MTF2: variants seen among roughly 807,000 people sequenced by gnomAD.
The protein encoded by MTF2 is metal response element binding transcription factor 2.
Under a neutral mutation model 79.5 loss-of-function variants are expected in MTF2, and 11 were observed. That is an observed-to-expected ratio of 0.14 (90% confidence interval 0.09 to 0.23). The LOEUF (loss-of-function observed/expected upper bound fraction) is 0.23, where lower values mean the gene tolerates loss of function less well. Among genes scored for constraint, MTF2 ranks in the 10% least tolerant of loss-of-function variants. MTF2 has a pLI of 1.00. For synonymous variants in MTF2, 208 were observed against 232.8 expected, an observed-to-expected ratio of 0.89 and a Z score of 0.97; for missense variants, 486 against 711.2, an observed-to-expected ratio of 0.68 and a Z score of 3.60.
At position 93,079,368 on chromosome 1, in the gene MTF2, A is replaced by G; in HGVS notation, c.-159A>G. The G allele has an allele frequency of 3.6e-6, 3 of 830,780 alleles. No homozygotes were observed. Among genetic ancestry groups the G allele is most frequent in the South Asian group, 1.5e-5 (1 of 67,324 alleles). The allele number at this position is 830,780 out of a possible 1,614,324, so 51.5% of individuals were successfully genotyped here. On this transcript the variant is annotated 5_prime_UTR_variant, in exon 1 of 15. Transcript: ENST00000370298. The stretch of plus-strand genomic sequence containing the variant: ...TGTAAGAACGCTCATTCTACCCCCA[A>G]CCCTTGTCTCCAAGGACCTCGGTTT...
At chr1:93,121,714 CA>C in intron 9 of MTF2, 1 of 946,824 alleles carries the variant, frequency 1.1e-6, no homozygotes, top group Non-Finnish European at 1.3e-6. Context: ...GATTATCATA[CA>C]AATTTTTGTT....
intron 7 of MTF2, among the ~76,000 whole-genome samples, chr1:93,118,898 C>G (rs1656357781): frequency 6.6e-6 from 1 of 152,230 alleles, no homozygotes; most frequent in South Asian, 2.1e-4. Flanking sequence ...ATCTGAAAAC[C>G]TGGTTTTAAA....
intron 6 of MTF2, among the ~76,000 whole-genome samples, chr1:93,115,823 G>A (rs1365744182): frequency 1.3e-5 from 2 of 152,004 alleles, no homozygotes; most frequent in African/African-American, 2.4e-5. Context: ...ATTTGTATAA[G>A]TCTTATATTC....
At chr1:93,085,589 T>G (rs1032022513) in intron 1 of MTF2, among the ~76,000 whole-genome samples, 4 of 151,496 alleles carry the variant, frequency 2.6e-5, no homozygotes, top group Non-Finnish European at 2.9e-5. Flanking sequence ...CGGGCTCAAG[T>G]GATCCTTCCA....
At chr1:93,118,544 GA>G in intron 7 of MTF2, 104 bp downstream of exon 7, 1 of 691,360 alleles carries the variant, frequency 1.4e-6, no homozygotes, top group Non-Finnish European at 2.3e-6. Flanking sequence ...CAGTGATTTG[GA>G]AAGGGGTTGT....
At chr1:93,085,239 C>T (rs1365594433) in intron 1 of MTF2, among the ~76,000 whole-genome samples, 1 of 145,234 alleles carries the variant, frequency 6.9e-6, no homozygotes, top group Non-Finnish European at 1.5e-5. Flanking sequence ...GCAGTGGCAC[C>T]ATCTCGGCTC....
At chr1:93,106,726 G>C (rs1263228483) in intron 1 of MTF2, among the ~76,000 whole-genome samples, 1 of 152,018 alleles carries the variant, frequency 6.6e-6, no homozygotes, top group Non-Finnish European at 1.5e-5. Flanking sequence ...TCTCCATGTT[G>C]GTCAGGCTGG....
At chr1:93,082,543 GCCT>G (rs1176318443) in intron 1 of MTF2, among the ~76,000 whole-genome samples, 1 of 152,074 alleles carries the variant, frequency 6.6e-6, no homozygotes, top group African/African-American at 2.4e-5. Context: ...TCCTGCTGTG[GCCT>G]CCTAAAGTGT....
At chr1:93,113,111 G>A (rs1358881514) in intron 3 of MTF2, among the ~76,000 whole-genome samples, 1 of 151,934 alleles carries the variant, frequency 6.6e-6, no homozygotes, top group African/African-American at 2.4e-5. Context: ...TGGGCGCAGT[G>A]CCTTATGTCT....
chr1:93,114,949 A>G (rs1329595069), intron 4 of MTF2, 39 bp from the exon 5 acceptor site: 1 of 1,459,812 alleles, frequency 6.9e-7, no homozygotes, highest in Non-Finnish European at 9.5e-7. Flanking sequence ...GAAAGTATTA[A>G]TGAAACCGAA....
chr1:93,136,650 T>G lies in MTF2; in HGVS notation c.1425-20T>G. 6.3e-7 allele frequency: 1 copy of G among 1,594,956 alleles called. No homozygotes were observed. The highest frequency in any genetic ancestry group is 8.6e-7 in the Non-Finnish European group (1 of 1,169,554). ...GCTAAAAAAGCTCAGTAGACAATTC[T>G]GGCCTTCTCTGTTACATAGATTATC... On this transcript the variant is annotated intron_variant, in intron 14 of 14. Transcript: ENST00000370298.
At chr1:93,115,351 GAT>G in intron 5 of MTF2, 117 bp from the exon 6 acceptor site, 1 of 840,798 alleles carries the variant, frequency 1.2e-6, no homozygotes, top group East Asian at 2.8e-5. Flanking sequence ...GACAGTTTGT[GAT>G]ATGGTAAAAG....
At chr1:93,099,536 G>A (rs914602852) in intron 1 of MTF2, among the ~76,000 whole-genome samples, 3 of 152,146 alleles carry the variant, frequency 2.0e-5, no homozygotes, top group Admixed American at 6.5e-5. Context: ...TCAAACTTCC[G>A]AGGGAAGTTT....
rs554936280 is a variant in MTF2, at chr1:93,112,388, C to T, written c.286+1762C>T. On this transcript the variant is annotated intron_variant, in intron 3 of 14. Transcript: ENST00000370298. ...TAATGAGTTTCTTTTAAAAATTTTACATAAAGAAAAATATTAGTAGTCAAC... is the reference window on the plus strand; with the variant it reads ...TAATGAGTTTCTTTTAAAAATTTTATATAAAGAAAAATATTAGTAGTCAAC... Among the ~76,000 whole-genome samples the T allele has an allele frequency of 6.2e-3, 306 of 48,984 alleles. 2 individuals carry two copies. Among genetic ancestry groups the T allele is most frequent in the African/African-American group, 9.1e-3 (287 of 31,462 alleles). The allele number at this position is 48,984 out of a possible 152,430, so 32.1% of individuals were successfully genotyped here.
At chr1:93,101,917 AATAC>A (rs1220767289) in intron 1 of MTF2, among the ~76,000 whole-genome samples, 1 of 152,082 alleles carries the variant, frequency 6.6e-6, no homozygotes, top group African/African-American at 2.4e-5. Context: ...ACTGATATTA[AATAC>A]ATTGAGCCGT....
At chr1:93,091,858 A>T (rs1431828631) in intron 1 of MTF2, among the ~76,000 whole-genome samples, 1 of 152,180 alleles carries the variant, frequency 6.6e-6, no homozygotes, top group Admixed American at 6.6e-5. Flanking sequence ...AGCTGTTTTA[A>T]GGAAAGGGAG....
chr1:93,133,673 G>T, intron 11 of MTF2, 30 bp from the exon 12 acceptor site: 2 of 1,492,196 alleles, frequency 1.3e-6, no homozygotes, highest in South Asian at 1.2e-5. Flanking sequence ...TTTATGCAGA[G>T]ATTAAATGCA....
intron 1 of MTF2, among the ~76,000 whole-genome samples, chr1:93,089,107 T>G (rs560669358): frequency 6.6e-6 from 1 of 152,302 alleles, no homozygotes; most frequent in Non-Finnish European, 1.5e-5. Flanking sequence ...TTCTCTAACC[T>G]GTTAGGTGGT....
At chr1:93,086,598 T>C (rs751943011) in intron 1 of MTF2, among the ~76,000 whole-genome samples, 4 of 151,908 alleles carry the variant, frequency 2.6e-5, no homozygotes, top group Non-Finnish European at 4.4e-5. Flanking sequence ...TTGTGAATAA[T>C]TGATAGGCAG....
Sources: gnomAD v4.1 joint callset for allele counts (sites outside exome capture counted in the v4.1 genomes callset) on GRCh38, gnomAD v4.1.1 for gene constraint, MANE v1.5 for transcripts, NCBI Gene and HGNC (gene_info 2026-07-23, HGNC 2026-07-21) for gene names.